Variants in KCNH5 observed in about 807,000 individuals in gnomAD.
KCNH5 encodes the protein potassium voltage-gated channel subfamily H member 5.
A neutral mutation model predicts 96.1 loss-of-function variants in KCNH5; 46 were observed. The ratio of observed to expected loss-of-function variants is 0.48; its 90% CI spans 0.38 to 0.61. The LOEUF (loss-of-function observed/expected upper bound fraction) is 0.61. Among genes scored for constraint, KCNH5 ranks in the 20% least tolerant of loss-of-function variants. The probability of loss-of-function intolerance (pLI) is 0.00; values close to 1 mark genes in which losing one functional copy is unlikely to be tolerated. For synonymous variants in KCNH5, 439 were observed against 449.8 expected (o/e 0.98, Z 0.30); for missense variants, 907 against 1,225.8 (o/e 0.74, Z 3.88).
rs145873970 is a variant in KCNH5 at position 62,872,608 on chromosome 14, G to A, written c.1370-22756C>T. Among the ~76,000 whole-genome samples, 510 of 152,224 alleles carry A rather than the reference G, an allele frequency of 3.4e-3. 2 individuals are homozygous for A. Among genetic ancestry groups the A allele is most frequent in the African/African-American group, 0.011 (463 of 41,544 alleles). ...CTTGGGAGGTTGAGGCAGGAGAACC[G>A]CTTGAATCTGGGAGGCGGAGGTTGC... On this transcript the variant is annotated intron_variant, in intron 7 of 10. Transcript: ENST00000322893.
intron 10 of KCNH5, among the ~76,000 whole-genome samples, chr14:62,746,202 A>C (rs1885371962): frequency 6.6e-6 from 1 of 152,226 alleles, no homozygotes; most frequent in Non-Finnish European, 1.5e-5. Flanking sequence ...CTTTTCCTAG[A>C]AATATTATTT....
At chr14:62,713,105 C>T (rs1884607131) in intron 10 of KCNH5, among the ~76,000 whole-genome samples, 1 of 151,214 alleles carries the variant, frequency 6.6e-6, no homozygotes, top group Non-Finnish European at 1.5e-5. Flanking sequence ...GTGTCTGTAA[C>T]ATTTGTAACA....
chr14:62,767,210 T>C (rs1009412030), intron 10 of KCNH5, among the ~76,000 whole-genome samples: 2 of 152,156 alleles, frequency 1.3e-5, no homozygotes, highest in Non-Finnish European at 2.9e-5. Flanking sequence ...AGGGAGCACA[T>C]AGATGTTGCT....
At chr14:62,751,835 C>T (rs1885506640) in intron 10 of KCNH5, among the ~76,000 whole-genome samples, 2 of 152,160 alleles carry the variant, frequency 1.3e-5, no homozygotes, top group South Asian at 2.1e-4. Flanking sequence ...AGTATGGGGA[C>T]CCATAGCTGC....
chr14:62,976,322 G>A (rs918612103), intron 6 of KCNH5, among the ~76,000 whole-genome samples: 3 of 148,802 alleles, frequency 2.0e-5, no homozygotes, highest in Non-Finnish European at 3.0e-5. Context: ...AGAATGGCGT[G>A]AACCCAGGAA....
chr14:62,746,983 T>C (rs1169032642), intron 10 of KCNH5, among the ~76,000 whole-genome samples: 1 of 152,250 alleles, frequency 6.6e-6, no homozygotes, highest in Non-Finnish European at 1.5e-5. Flanking sequence ...AATCAAAATG[T>C]AGTTGCCTTC....
chr14:63,023,942 G>A (rs1305591761), intron 1 of KCNH5, among the ~76,000 whole-genome samples: 1 of 152,120 alleles, frequency 6.6e-6, no homozygotes, highest in Non-Finnish European at 1.5e-5. Flanking sequence ...GGGCGTGGTT[G>A]CTCATGCCTG....
chr14:62,722,420 T>C (rs1298984427), intron 10 of KCNH5, among the ~76,000 whole-genome samples: 1 of 151,858 alleles, frequency 6.6e-6, no homozygotes, highest in East Asian at 1.9e-4. Context: ...CTTAGGGAGA[T>C]TTAAAAATCT....
chr14:62,799,813 A>T (rs915730480), intron 9 of KCNH5, among the ~76,000 whole-genome samples: 157 of 135,598 alleles, frequency 1.2e-3, no homozygotes, highest in African/African-American at 3.9e-3. Context: ...TTTAATATTT[A>T]ATATATAATT....
chr14:63,027,627 G>GA (rs11399194), intron 1 of KCNH5, among the ~76,000 whole-genome samples: 150,932 of 152,044 alleles, frequency 0.99, 74,921 homozygotes, highest in Middle Eastern at 1. Context: ...GTATTGAAGA[G>GA]AAGGCAAAGT....
At chr14:62,719,880 G>A in intron 10 of KCNH5, among the ~76,000 whole-genome samples, 1 of 152,194 alleles carries the variant, frequency 6.6e-6, no homozygotes, top group Non-Finnish European at 1.5e-5. Flanking sequence ...TAAGTGCTGA[G>A]ATGCAGCACA....
At chr14:62,773,836 A>G (rs906815505) in intron 10 of KCNH5, among the ~76,000 whole-genome samples, 12 of 152,230 alleles carry the variant, frequency 7.9e-5, no homozygotes, top group Admixed American at 2.6e-4. Context: ...ACTTATTTTT[A>G]AATGGTTCAT....
chr14:62,877,027 G>C (rs1218312416), intron 7 of KCNH5, among the ~76,000 whole-genome samples: 1 of 152,160 alleles, frequency 6.6e-6, no homozygotes, highest in African/African-American at 2.4e-5. Flanking sequence ...GTTTGTCAAA[G>C]ATCAGATAGT....
chr14:63,043,191 T>C (rs891176054), intron 1 of KCNH5, among the ~76,000 whole-genome samples: 1 of 152,158 alleles, frequency 6.6e-6, no homozygotes, highest in African/African-American at 2.4e-5. Context: ...AACTATCTCA[T>C]AGTTTCATAG....
chr14:62,869,981 AC>A (rs146130575), intron 7 of KCNH5, among the ~76,000 whole-genome samples: 4,549 of 152,318 alleles, frequency 0.03, 239 homozygotes, highest in African/African-American at 0.1. Context: ...TAATGTCATT[AC>A]TTTTAATGGC....
intron 7 of KCNH5, among the ~76,000 whole-genome samples, chr14:62,912,037 CAAAAAAAAAAA>C (rs1163755853): frequency 3.8e-5 from 3 of 79,666 alleles, no homozygotes; most frequent in Non-Finnish European, 7.3e-5. Flanking sequence ...GACTCCTAAT[CAAAAAAAAAAA>C]AAAAAAAAAA....
At chr14:62,969,899 C>T (rs1003279551) in intron 6 of KCNH5, among the ~76,000 whole-genome samples, 2 of 148,812 alleles carry the variant, frequency 1.3e-5, no homozygotes, top group African/African-American at 4.9e-5. Context: ...CTGTCTCTAT[C>T]AAGATACAAA....
intron 10 of KCNH5, among the ~76,000 whole-genome samples, chr14:62,764,787 T>C (rs1005145565): frequency 1.3e-5 from 2 of 151,732 alleles, no homozygotes; most frequent in African/African-American, 2.4e-5. Context: ...CACACAAAAA[T>C]AAAGTACCCA....
At chr14:62,741,311 A>C (rs1885266574) in intron 10 of KCNH5, among the ~76,000 whole-genome samples, 1 of 152,160 alleles carries the variant, frequency 6.6e-6, no homozygotes, top group Non-Finnish European at 1.5e-5. Flanking sequence ...GCTGGTTTAG[A>C]CTGGAAGAAG....
Sources: gnomAD v4.1 joint callset for allele counts (sites outside exome capture counted in the v4.1 genomes callset) on GRCh38, gnomAD v4.1.1 for gene constraint, MANE v1.5 for transcripts, NCBI Gene and HGNC (gene_info 2026-07-23, HGNC 2026-07-21) for gene names.